DYNLRB1: variants seen among roughly 807,000 people sequenced by gnomAD.
The protein encoded by DYNLRB1 is ROBL/LC7-like 1.
A neutral mutation model predicts 13.5 loss-of-function variants in DYNLRB1; 6 were observed. The ratio of observed to expected loss-of-function variants is 0.44; its 90% CI spans 0.24 to 0.88. DYNLRB1 has a LOEUF of 0.88. Ranked by LOEUF, DYNLRB1 falls within the 40% of genes least tolerant of loss-of-function variation. DYNLRB1 has a pLI of 0.21. For missense variants in DYNLRB1, 93 were observed against 127.2 expected, an observed-to-expected ratio of 0.73 and a Z score of 1.29; for synonymous variants, 43 against 45.0, an observed-to-expected ratio of 0.96 and a Z score of 0.18.
rs1367643230 is a variant in DYNLRB1 at position 34,519,901 on chromosome 20, A to G, written c.3+3440A>G. 3.3e-5 allele frequency among the ~76,000 whole-genome samples: 5 copies of G among 152,352 alleles called. No homozygotes were observed. In the East Asian group the frequency reaches 9.6e-4, roughly 29 times the overall value. ...ATAATCCCAGCACTTTGGGAGGCCA[A>G]GGTGGGCAGATCACTTGAGGTCAGG... On this transcript the variant is annotated intron_variant, in intron 1 of 3. Transcript: ENST00000357156.
At chr20:34,524,651 A>G (rs2146624699) in intron 1 of DYNLRB1, among the ~76,000 whole-genome samples, 1 of 151,668 alleles carries the variant, frequency 6.6e-6, no homozygotes, top group East Asian at 1.9e-4. Context: ...ACTGCATTGT[A>G]CTCTCACGTC....
At chr20:34,534,410 G>A (rs1980957670) in intron 2 of DYNLRB1, among the ~76,000 whole-genome samples, 1 of 152,194 alleles carries the variant, frequency 6.6e-6, no homozygotes, top group Admixed American at 6.5e-5. Context: ...GTTGCCTCAT[G>A]GGCGAATGAG....
intron 3 of DYNLRB1, chr20:34,536,259 C>T (rs1600553808): frequency 4.1e-6 from 4 of 985,430 alleles, no homozygotes; most frequent in Non-Finnish European, 4.8e-6. Context: ...CTGGGCAAGT[C>T]GCAGAACACC....
chr20:34,532,983 T>C (rs1249534155), intron 2 of DYNLRB1, among the ~76,000 whole-genome samples: 1 of 152,184 alleles, frequency 6.6e-6, no homozygotes, highest in African/African-American at 2.4e-5. Context: ...GAGGAGCTAC[T>C]TGTGCCACAT....
chr20:34,527,698 C>A (rs147622043), intron 2 of DYNLRB1, among the ~76,000 whole-genome samples: 51 of 152,328 alleles, frequency 3.3e-4, no homozygotes, highest in African/African-American at 1.1e-3. Flanking sequence ...CCAGGAGATT[C>A]TTATGATCAG....
intron 2 of DYNLRB1, chr20:34,533,432 T>C: frequency 1.0e-6 from 1 of 975,906 alleles, no homozygotes; most frequent in Non-Finnish European, 1.2e-6. Context: ...ATGTGGACAG[T>C]GTGTTTATAG....
chr20:34,529,946 C>T (rs1189338099), intron 2 of DYNLRB1: 2 of 1,436,098 alleles, frequency 1.4e-6, no homozygotes, highest in Admixed American at 3.0e-5. Flanking sequence ...CAACTCCTTT[C>T]CCCGCTTCAG....
chr20:34,533,306 G>A lies in DYNLRB1; in HGVS notation c.80-1322G>A, dbSNP rs1015454037. On this transcript the variant is annotated intron_variant, in intron 2 of 3. Transcript: ENST00000357156. Reference sequence around the variant, plus strand: ...TAGGGGCTGGGGAGGTCTGTGGACCGCTCACCTAGTGGGCTCTTTGAAAGA... The same window carrying A: ...TAGGGGCTGGGGAGGTCTGTGGACCACTCACCTAGTGGGCTCTTTGAAAGA... Among the ~76,000 whole-genome samples, 6 of 152,308 alleles carry A rather than the reference G, an allele frequency of 3.9e-5. No homozygotes were observed. The South Asian group carries it at 8.3e-4, about 21-fold the overall frequency.
intron 1 of DYNLRB1, among the ~76,000 whole-genome samples, chr20:34,523,400 A>ACACTTGATCTGC (rs1979919427): frequency 6.6e-6 from 1 of 152,132 alleles, no homozygotes; most frequent in Non-Finnish European, 1.5e-5. Context: ...ACCAAGGTCA[A>ACACTTGATCTGC]CACTTGATCT....
At chr20:34,529,752 T>A in intron 2 of DYNLRB1, 1 of 1,145,834 alleles carries the variant, frequency 8.7e-7, no homozygotes, top group Non-Finnish European at 1.1e-6. Flanking sequence ...AAAATGTTGA[T>A]TTCCAAGTCA....
intron 2 of DYNLRB1, chr20:34,530,466 A>G (rs914975475): frequency 5.3e-5 from 10 of 188,936 alleles, no homozygotes; most frequent in Admixed American, 1.3e-4. Flanking sequence ...TGAAATGCCT[A>G]TGAATGTCTC....
At chr20:34,522,881 C>A (rs538105566) in intron 1 of DYNLRB1, among the ~76,000 whole-genome samples, 3 of 152,312 alleles carry the variant, frequency 2.0e-5, no homozygotes, top group East Asian at 3.9e-4. Context: ...CCATGTCCCC[C>A]TCCTGTACTT....
At chr20:34,536,439 GCTT>G in intron 3 of DYNLRB1, 1 of 985,352 alleles carries the variant, frequency 1.0e-6, no homozygotes, top group South Asian at 4.7e-5. Context: ...AGAGGACAAA[GCTT>G]CACTCCCCAA....
chr20:34,526,126 T>A, intron 1 of DYNLRB1, 142 bp from the exon 2 acceptor site: 1 of 834,310 alleles, frequency 1.2e-6, no homozygotes, highest in East Asian at 2.7e-5. Context: ...CAGATCAGCC[T>A]GGGGAACTTT....
chr20:34,516,408 G>C, upstream of DYNLRB1: 1 of 1,608,740 alleles, frequency 6.2e-7, no homozygotes, highest in East Asian at 2.2e-5. Flanking sequence ...GCGCAGAAAG[G>C]CACAGGACTC....
At chr20:34,530,261 TG>T in intron 2 of DYNLRB1, 1 of 1,034,462 alleles carries the variant, frequency 9.7e-7, no homozygotes, top group East Asian at 7.5e-5. Flanking sequence ...TGTATACTCA[TG>T]GGGCTGATTG....
chr20:34,524,744 T>C (rs1370330492), intron 1 of DYNLRB1, among the ~76,000 whole-genome samples: 1 of 151,604 alleles, frequency 6.6e-6, no homozygotes, highest in East Asian at 1.9e-4. Flanking sequence ...TTTTTTTTTT[T>C]GGAAATGGAG....
intron 1 of DYNLRB1, among the ~76,000 whole-genome samples, chr20:34,524,703 G>A (rs1980038110): frequency 6.6e-6 from 1 of 151,396 alleles, no homozygotes; most frequent in Non-Finnish European, 1.5e-5. Flanking sequence ...GATCTTAGAG[G>A]CATAAGTCCA....
intron 2 of DYNLRB1, chr20:34,531,364 C>T (rs1484853220): frequency 6.6e-6 from 1 of 152,248 alleles, no homozygotes; most frequent in Non-Finnish European, 1.5e-5. Flanking sequence ...TTTGTGAAGA[C>T]AGAGGCAGGG....
Sources: allele counts gnomAD v4.1 joint callset (sites outside exome capture counted in the v4.1 genomes callset), GRCh38; gene constraint gnomAD v4.1.1; transcripts MANE v1.5; gene names NCBI Gene and HGNC (gene_info 2026-07-23, HGNC 2026-07-21).